FLRT2: variants seen among roughly 807,000 people sequenced by gnomAD.
The protein encoded by FLRT2 is leucine-rich repeat transmembrane protein FLRT2.
In FLRT2, 15 loss-of-function variants were observed where a neutral mutation model predicts 40.0. The observed-to-expected ratio is 0.38, with a 90% CI of 0.25 to 0.58. The LOEUF (loss-of-function observed/expected upper bound fraction) is 0.58, where lower values mean the gene tolerates loss of function less well. FLRT2 is among the 20% of genes least tolerant of loss of function. The pLI is 0.71. For missense variants in FLRT2, 726 were observed against 840.0 expected (o/e 0.86, Z 1.68); for synonymous variants, 380 against 336.8 (o/e 1.13, Z -1.41).
chr14:85,592,325 C>G (rs75766554), intron 1 of FLRT2, among the ~76,000 whole-genome samples: 3,614 of 152,192 alleles, frequency 0.024, 149 homozygotes, highest in African/African-American at 0.083. Flanking sequence ...AGCAATTGGG[C>G]TGCAAATTGT....
intron 1 of FLRT2, among the ~76,000 whole-genome samples, chr14:85,600,570 G>A (rs1428023292): frequency 6.6e-6 from 1 of 152,186 alleles, no homozygotes. Flanking sequence ...ACGTGGTCAA[G>A]AGAATCTAAT....
At position 85,589,377 on chromosome 14, in the gene FLRT2, C is replaced by T. The variant is rs139229258; in HGVS notation, c.-376-31762C>T. On this transcript the variant is annotated intron_variant, in intron 1 of 1. Transcript: ENST00000330753. ...TCTATTGGTCAGTGGTGTTGAGCACCTTTTCATATGCCTGATTGCCATTTG... is the reference window on the plus strand; with the variant it reads ...TCTATTGGTCAGTGGTGTTGAGCACTTTTTCATATGCCTGATTGCCATTTG... Among the ~76,000 whole-genome samples the T allele has an allele frequency of 1.2e-4, 19 of 152,210 alleles. No individual in the cohort carries two copies. The East Asian group carries it at 3.5e-3, about 28-fold the overall frequency.
chr14:85,622,268 A>C lies in FLRT2; in HGVS notation c.754A>C (p.Thr252Pro). 1 of 1,614,054 alleles carries C rather than the reference A, an allele frequency of 6.2e-7. No individual in the cohort carries two copies. Among genetic ancestry groups the C allele is most frequent in the South Asian group, 1.1e-5 (1 of 91,076 alleles). The change falls in exon 2 of 2, where the codon ACG becomes CCG. Residue 252 changes from threonine to proline, a missense_variant. By Grantham distance (38) the Thr-to-Pro change is conservative. Coordinates refer to ENST00000330753, the MANE Select transcript of FLRT2 (RefSeq NM_013231.6). ...CCACCCTCCTCCCGATCTCCCAGGT[A>C]CGCATCTGATCAGGCTCTATTTGCA... ...LSHPPPDLPG[T>P]HLIRLYLQDN...
In FLRT2 at chr14:85,642,854, A is replaced by G. The variant is rs1267834616; in HGVS notation, c.*19357A>G. The G allele has an allele frequency of 6.6e-6, 1 of 151,956 alleles. No individual in the cohort carries two copies. Among genetic ancestry groups the G allele is most frequent in the Non-Finnish European group, 1.5e-5 (1 of 67,998 alleles). The allele number at this position is 151,956 out of a possible 1,614,324, so 9.4% of individuals were successfully genotyped here. Reference sequence around the variant, plus strand: ...CTTGGCATATTGTAGAATCTGAAATATAGGTTGTATATTTATTAGTCAGTT... The same window carrying G: ...CTTGGCATATTGTAGAATCTGAAATGTAGGTTGTATATTTATTAGTCAGTT... On this transcript the variant is annotated 3_prime_UTR_variant, in exon 2 of 2. Coordinates refer to ENST00000330753, the MANE Select transcript of FLRT2 (RefSeq NM_013231.6).
chr14:85,608,078 T>A (rs1050872445), intron 1 of FLRT2, among the ~76,000 whole-genome samples: 4 of 152,158 alleles, frequency 2.6e-5, no homozygotes, highest in African/African-American at 9.6e-5. Flanking sequence ...TTACTTTATT[T>A]TAACTCGATG....
intron 1 of FLRT2, among the ~76,000 whole-genome samples, chr14:85,566,812 C>T (rs1890647465): frequency 6.6e-6 from 1 of 150,916 alleles, no homozygotes; most frequent in Non-Finnish European, 1.5e-5. Context: ...TATGTATTAG[C>T]TTCCCAGGAA....
intron 1 of FLRT2, among the ~76,000 whole-genome samples, chr14:85,553,885 G>A (rs960486327): frequency 2.0e-5 from 3 of 152,118 alleles, no homozygotes; most frequent in Non-Finnish European, 4.4e-5. Flanking sequence ...ACTGAACTCT[G>A]CCTATAAGAT....
chr14:85,538,819 T>G (rs1888818729), intron 1 of FLRT2, among the ~76,000 whole-genome samples: 1 of 152,098 alleles, frequency 6.6e-6, no homozygotes, highest in African/African-American at 2.4e-5. Flanking sequence ...ATTAGACGCA[T>G]ATCAGTCCTG....
At chr14:85,619,641 G>T (rs867438793) in intron 1 of FLRT2, among the ~76,000 whole-genome samples, 20 of 152,014 alleles carry the variant, frequency 1.3e-4, no homozygotes, top group African/African-American at 4.8e-4. Context: ...ATAGCTAAGA[G>T]AACAATTTCA....
chr14:85,592,446 A>G (rs1283426537), intron 1 of FLRT2, among the ~76,000 whole-genome samples: 3 of 152,040 alleles, frequency 2.0e-5, no homozygotes, highest in African/African-American at 2.4e-5. Flanking sequence ...CTAAGAACAA[A>G]TGGGGTCTGG....
At chr14:85,546,074 T>C (rs1270598284) in intron 1 of FLRT2, among the ~76,000 whole-genome samples, 1 of 152,196 alleles carries the variant, frequency 6.6e-6, no homozygotes. Flanking sequence ...TGTTCCACAT[T>C]GATGAATGGA....
chr14:85,622,722 C>G lies in FLRT2; in HGVS notation c.1208C>G (p.Ser403Trp), dbSNP rs149450183. ...RSYTPPTPTT[S>W]KLPTIPDWDG... ...TACACGCCTCCAACTCCTACCACATCGAAACTTCCCACGATTCCTGACTGG... is the reference window on the plus strand; with the variant it reads ...TACACGCCTCCAACTCCTACCACATGGAAACTTCCCACGATTCCTGACTGG... Residue 403 changes from serine to tryptophan, a missense_variant, in exon 2 of 2, where the codon TCG becomes TGG. Ser to Trp is a radical substitution (Grantham distance 177). Coordinates refer to ENST00000330753, the MANE Select transcript of FLRT2 (RefSeq NM_013231.6). The G allele has an allele frequency of 3.7e-6, 6 of 1,613,936 alleles. No homozygotes were observed. The South Asian group carries it at 5.5e-5, about 15-fold the overall frequency.
intron 1 of FLRT2, chr14:85,563,161 T>G (rs1254943888): frequency 6.6e-6 from 1 of 152,202 alleles, no homozygotes; most frequent in Non-Finnish European, 1.5e-5. Flanking sequence ...TCTCTGGGCA[T>G]TGCTGCCTGG....
Position 85,622,891 on chromosome 14 carries a change from C to T in FLRT2, c.1377C>T (p.His459=). Residue 459 remains histidine, a synonymous_variant, in exon 2 of 2, where the codon CAC becomes CAT. Transcript: ENST00000330753. ...AYKLTWVKMG[H]SLVGGIVQER... The stretch of plus-strand genomic sequence containing the variant: ...AACTCACATGGGTGAAAATGGGCCA[C>T]AGTTTAGTAGGGGGCATCGTTCAGG... 6.2e-7 allele frequency: 1 copy of T among 1,614,196 alleles called. No individual in the cohort carries two copies.
chr14:85,623,513 CGTTATCAA>C lies in FLRT2; in HGVS notation c.*18_*25del. 7.1e-7 allele frequency: 1 copy of C among 1,416,726 alleles called. No individual in the cohort carries two copies. The highest frequency in any genetic ancestry group is 9.2e-7 in the Non-Finnish European group (1 of 1,082,744). 87.8% of individuals were successfully genotyped at this position (1,416,726 alleles called of 1,614,324 possible). A position where few individuals can be genotyped will look rare whatever the true frequency, so the allele number is the denominator to read the frequency against. ...CCATACGTGACAGCCAGAGGCCCAG[CGTTATCAA>C]GGCGGACAATTAGACTCTTGAGAAC... On this transcript the variant is annotated 3_prime_UTR_variant, in exon 2 of 2. Transcript: ENST00000330753.
chr14:85,564,860 T>C (rs1169662583), intron 1 of FLRT2, among the ~76,000 whole-genome samples: 1 of 152,206 alleles, frequency 6.6e-6, no homozygotes, highest in African/African-American at 2.4e-5. Context: ...TGATGTGAGA[T>C]AGATAAGATT....
chr14:85,538,815 C>T (rs888965752), intron 1 of FLRT2, among the ~76,000 whole-genome samples: 25 of 152,184 alleles, frequency 1.6e-4, no homozygotes, highest in East Asian at 1.4e-3. Context: ...AAACATTAGA[C>T]GCATATCAGT....
At chr14:85,619,873 T>C (rs962820380) in intron 1 of FLRT2, among the ~76,000 whole-genome samples, 1 of 152,230 alleles carries the variant, frequency 6.6e-6, no homozygotes, top group Non-Finnish European at 1.5e-5. Flanking sequence ...TGCCTTGACT[T>C]CCTCAACTGT....
intron 1 of FLRT2, among the ~76,000 whole-genome samples, chr14:85,558,168 G>A (rs182570437): frequency 4.2e-4 from 64 of 152,276 alleles, no homozygotes; most frequent in African/African-American, 1.4e-3. Context: ...ATATGTGCAT[G>A]TGCATGTGCT....
Sources: allele counts gnomAD v4.1 joint callset (sites outside exome capture counted in the v4.1 genomes callset), GRCh38; gene constraint gnomAD v4.1.1; transcripts MANE v1.5; gene names NCBI Gene and HGNC (gene_info 2026-07-23, HGNC 2026-07-21).